Variants in PTCHD4 observed in about 807,000 individuals in gnomAD.
The protein encoded by PTCHD4 is patched domain-containing protein 4.
A neutral mutation model predicts 58.1 loss-of-function variants in PTCHD4; 33 were observed. The ratio of observed to expected loss-of-function variants is 0.57; its 90% CI spans 0.43 to 0.76. PTCHD4 has a LOEUF of 0.76. Ranked by LOEUF, PTCHD4 falls within the 30% of genes least tolerant of loss-of-function variation. The probability of loss-of-function intolerance (pLI) is 0.00; values close to 1 mark genes in which losing one functional copy is unlikely to be tolerated. For synonymous variants in PTCHD4, 478 were observed against 409.6 expected (o/e 1.17, Z -2.02); for missense variants, 1,058 against 1,027.1 (o/e 1.03, Z -0.41).
chr6:47,981,449 G>A (rs796844595), intron 4 of PTCHD4, among the ~76,000 whole-genome samples: 8 of 151,340 alleles, frequency 5.3e-5, no homozygotes, highest in African/African-American at 1.9e-4. Flanking sequence ...TTTGCTTTGT[G>A]GTCATTTTTC....
chr6:47,944,119 CT>C (rs1439620085), intron 4 of PTCHD4, among the ~76,000 whole-genome samples: 2 of 152,002 alleles, frequency 1.3e-5, no homozygotes, highest in Non-Finnish European at 2.9e-5. Context: ...CAATATCTCA[CT>C]GTTCTATGTT....
chr6:47,992,535 A>C (rs1237667395), intron 4 of PTCHD4, among the ~76,000 whole-genome samples: 3 of 152,218 alleles, frequency 2.0e-5, no homozygotes, highest in Non-Finnish European at 4.4e-5. Context: ...TATTAGTAAA[A>C]ATAGTACACA....
At chr6:48,081,666 T>C (rs1765169695) in intron 1 of PTCHD4, among the ~76,000 whole-genome samples, 1 of 152,182 alleles carries the variant, frequency 6.6e-6, no homozygotes, top group Admixed American at 6.5e-5. Context: ...AGTACATAAT[T>C]GCTTGAGAGT....
intron 4 of PTCHD4, among the ~76,000 whole-genome samples, chr6:47,999,689 C>T (rs181696071): frequency 3.3e-5 from 5 of 152,226 alleles, no homozygotes; most frequent in Admixed American, 3.3e-4. Context: ...AATCCATGAA[C>T]ATAATAAAGT....
At chr6:48,109,044 C>A (rs944479804) in intron 1 of PTCHD4, among the ~76,000 whole-genome samples, 1 of 151,868 alleles carries the variant, frequency 6.6e-6, no homozygotes. Flanking sequence ...TTTTCTAGGA[C>A]AACAAAAGTG....
rs192611434 is a variant in PTCHD4, at chr6:48,051,104, T to C, written c.417+17126A>G. ...ACCTTTCAATCAGTAAACTGTGAGA[T>C]AACATTTGTTGATTATTTTTAATCA... On this transcript the variant is annotated intron_variant, in intron 3 of 4. Transcript: ENST00000339488. Among the ~76,000 whole-genome samples the C allele has an allele frequency of 2.1e-4, 32 of 152,102 alleles. No individual in the cohort carries two copies. The East Asian group carries it at 5.8e-3, about 28-fold the overall frequency.
rs142014410 is a variant in PTCHD4, at chr6:47,890,729, C to T, written c.899-10793G>A. Among the ~76,000 whole-genome samples the T allele has an allele frequency of 3.2e-3, 481 of 152,168 alleles. 1 individual carries two copies. The highest frequency in any genetic ancestry group is 0.016 in the South Asian group (76 of 4,828). On this transcript the variant is annotated intron_variant, in intron 4 of 4. Coordinates refer to ENST00000339488, the MANE Select transcript of PTCHD4 (RefSeq NM_001384253.1). ...TTGGCTTTGTAAGGGGGGGGATTCC[C>T]GGAGCTCTCTTTTCAGCTTTCCTTG... is the stretch of plus-strand genomic sequence containing the variant.
chr6:47,996,551 C>T (rs1034779827), intron 4 of PTCHD4, among the ~76,000 whole-genome samples: 6 of 152,152 alleles, frequency 3.9e-5, no homozygotes, highest in Non-Finnish European at 8.8e-5. Context: ...GAACAGCTAG[C>T]AGAGCCAAGG....
At chr6:47,959,890 T>C (rs944594227) in intron 4 of PTCHD4, among the ~76,000 whole-genome samples, 30 of 151,218 alleles carry the variant, frequency 2.0e-4, no homozygotes, top group African/African-American at 7.0e-4. Context: ...GATGAAAATA[T>C]CGTTCTTTAA....
chr6:47,942,137 T>A (rs1251862898), intron 4 of PTCHD4, among the ~76,000 whole-genome samples: 1 of 152,212 alleles, frequency 6.6e-6, no homozygotes, highest in South Asian at 2.1e-4. Context: ...TAGGGCTGCT[T>A]ATACAAAATC....
At chr6:47,965,810 G>T (rs964167921) in intron 4 of PTCHD4, among the ~76,000 whole-genome samples, 2 of 152,114 alleles carry the variant, frequency 1.3e-5, no homozygotes, top group Non-Finnish European at 2.9e-5. Context: ...AGCTACTCGG[G>T]AGGCTGAGGC....
intron 3 of PTCHD4, among the ~76,000 whole-genome samples, chr6:48,033,253 G>T (rs756541725): frequency 8.6e-5 from 13 of 151,986 alleles, no homozygotes; most frequent in Non-Finnish European, 1.9e-4. Flanking sequence ...TATAATTAAA[G>T]AATTTTTCAC....
Position 47,860,785 on chromosome 6 carries a change from A to G in PTCHD4, c.*17518T>C, listed in dbSNP as rs915865948. Among the ~76,000 whole-genome samples the G allele has an allele frequency of 6.6e-6, 1 of 152,012 alleles. No homozygotes were observed. The highest frequency in any genetic ancestry group is 1.5e-5 in the Non-Finnish European group (1 of 67,940). On this transcript the variant is annotated 3_prime_UTR_variant, in exon 5 of 5. Transcript: ENST00000339488. ...TAGTTTATTTCACTCATTGCTTGGG[A>G]TTTATCTACTTAAGCAAAGCAATTA...
In PTCHD4 at chr6:48,009,792, C is replaced by T. The variant is rs569912208; in HGVS notation, c.418-678G>A. ...ACACCTGCCTCAGACATAGGTTGAC[C>T]TTTTCTTATTGATGACAGTAGACAA... On this transcript the variant is annotated intron_variant, in intron 3 of 4. Transcript: ENST00000339488. 1.1e-4 allele frequency among the ~76,000 whole-genome samples: 17 copies of T among 152,254 alleles called. No individual in the cohort carries two copies. The South Asian group carries it at 3.5e-3, about 32-fold the overall frequency.
At chr6:48,030,755 C>T (rs1400903379) in intron 3 of PTCHD4, among the ~76,000 whole-genome samples, 1 of 152,156 alleles carries the variant, frequency 6.6e-6, no homozygotes, top group Non-Finnish European at 1.5e-5. Flanking sequence ...AAATAAACTG[C>T]AGTGATACCA....
chr6:47,880,826 T>C (rs1360078), intron 4 of PTCHD4, among the ~76,000 whole-genome samples: 101,907 of 152,116 alleles, frequency 0.67, 34,578 homozygotes, highest in East Asian at 0.78. Context: ...AGGAATTTCA[T>C]AGCTCTTAAG....
chr6:47,976,619 A>T (rs1457035913), intron 4 of PTCHD4, among the ~76,000 whole-genome samples: 5 of 151,766 alleles, frequency 3.3e-5, no homozygotes, highest in African/African-American at 4.8e-5. Flanking sequence ...GCACCACTTT[A>T]CTCCAGCCTG....
chr6:47,982,508 A>C (rs1767917547), intron 4 of PTCHD4, among the ~76,000 whole-genome samples: 1 of 82,454 alleles, frequency 1.2e-5, no homozygotes, highest in South Asian at 3.5e-4. Flanking sequence ...TTGTTTTTTG[A>C]GATGGAGTCT....
intron 3 of PTCHD4, among the ~76,000 whole-genome samples, chr6:48,018,463 G>T (rs1762943338): frequency 6.6e-6 from 1 of 152,126 alleles, no homozygotes; most frequent in Non-Finnish European, 1.5e-5. Flanking sequence ...CATTTCCATA[G>T]AAACAAGAAG....
Sources: allele counts gnomAD v4.1 joint callset (sites outside exome capture counted in the v4.1 genomes callset), GRCh38; gene constraint gnomAD v4.1.1; transcripts MANE v1.5; gene names NCBI Gene and HGNC (gene_info 2026-07-23, HGNC 2026-07-21).